Variants in RHOBTB1 observed in about 807,000 individuals in gnomAD.
The protein encoded by RHOBTB1 is Rho related BTB domain containing 1.
A neutral mutation model predicts 71.6 loss-of-function variants in RHOBTB1; 40 were observed. The observed-to-expected ratio is 0.56, with a 90% CI of 0.43 to 0.73. The LOEUF is 0.73. RHOBTB1 is among the 30% of genes least tolerant of loss of function. RHOBTB1 has a pLI of 0.00. For missense variants in RHOBTB1, 797 were observed against 894.0 expected (o/e 0.89, Z 1.38); for synonymous variants, 319 against 334.9 (o/e 0.95, Z 0.52).
intron 2 of RHOBTB1, among the ~76,000 whole-genome samples, chr10:60,936,323 G>A (rs1269210232): frequency 1.3e-5 from 2 of 152,104 alleles, no homozygotes; most frequent in East Asian, 3.8e-4. Flanking sequence ...AGACCCAACT[G>A]GCTATATTGA....
At chr10:60,900,647 C>A (rs998443819) in intron 4 of RHOBTB1, among the ~76,000 whole-genome samples, 1 of 152,038 alleles carries the variant, frequency 6.6e-6, no homozygotes, top group African/African-American at 2.4e-5. Flanking sequence ...AATTAAAAGG[C>A]CTTATGGATA....
chr10:60,924,440 T>C (rs2083748251), intron 2 of RHOBTB1, among the ~76,000 whole-genome samples: 1 of 151,630 alleles, frequency 6.6e-6, no homozygotes, highest in African/African-American at 2.4e-5. Flanking sequence ...GACAAAGGGG[T>C]CAATTAAGCA....
chr10:60,896,763 C>G (rs1482569860), intron 4 of RHOBTB1, among the ~76,000 whole-genome samples: 1 of 152,104 alleles, frequency 6.6e-6, no homozygotes. Flanking sequence ...TCGCTGGGTA[C>G]TAAGACATCA....
At chr10:60,986,189 G>A (rs1241050953) in intron 1 of RHOBTB1, among the ~76,000 whole-genome samples, 1 of 151,878 alleles carries the variant, frequency 6.6e-6, no homozygotes, top group Non-Finnish European at 1.5e-5. Flanking sequence ...CCATCTGAGT[G>A]AACTTTAAGT....
At chr10:60,883,727 A>G (rs2081435623) in intron 7 of RHOBTB1, among the ~76,000 whole-genome samples, 1 of 152,240 alleles carries the variant, frequency 6.6e-6, no homozygotes, top group Admixed American at 6.5e-5. Flanking sequence ...GAATAAGTCC[A>G]GCGGCAGCTA....
At chr10:60,928,335 A>G (rs1267285957) in intron 2 of RHOBTB1, among the ~76,000 whole-genome samples, 2 of 152,118 alleles carry the variant, frequency 1.3e-5, no homozygotes, top group Non-Finnish European at 2.9e-5. Context: ...CAAAACAAAA[A>G]AAAAAAGAAA....
rs187708949 is a variant in RHOBTB1 at position 60,968,335 on chromosome 10, A to G, written c.-62+17510T>C. Among the ~76,000 whole-genome samples the G allele has an allele frequency of 8.9e-4, 136 of 152,252 alleles. 1 individual carries two copies. The highest frequency in any genetic ancestry group is 2.6e-3 in the African/African-American group (110 of 41,556). On this transcript the variant is annotated intron_variant, in intron 2 of 11. Transcript: ENST00000357917. ...TTCCTTTGTTCAATTCAAAATTCAAATGTAGTGTGTAAATGAATTTTGTTT... is the reference window on the plus strand; with the variant it reads ...TTCCTTTGTTCAATTCAAAATTCAAGTGTAGTGTGTAAATGAATTTTGTTT...
At position 60,897,942 on chromosome 10, in the gene RHOBTB1, G is replaced by C. The variant is rs533384596; in HGVS notation, c.297-4947C>G. ...GCTGGTCTTGAACTCCTGACCTTGT[G>C]ATCTTCCCACCTCGGCTTTGCAAAG... On this transcript the variant is annotated intron_variant, in intron 4 of 10. Transcript: ENST00000337910. Among the ~76,000 whole-genome samples, 243 of 152,196 alleles carry C rather than the reference G, an allele frequency of 1.6e-3. 1 individual carries two copies. Among genetic ancestry groups the C allele is most frequent in the African/African-American group, 5.5e-3 (227 of 41,528 alleles).
rs77406882 is a variant in RHOBTB1, at chr10:60,920,927, G to A, written c.-10-9375C>T. Among the ~76,000 whole-genome samples, 1,248 of 151,128 alleles carry A rather than the reference G, an allele frequency of 8.3e-3. 52 individuals carry two copies. In the East Asian group the frequency reaches 0.1, roughly 12 times the overall value. On this transcript the variant is annotated intron_variant, in intron 2 of 10. Transcript: ENST00000337910. ...CCACCTTGGCCTCCCAAAATGCTGG[G>A]ATTACAGGACTGATTTGTTTTTTTT... is the stretch of plus-strand genomic sequence containing the variant.
At chr10:60,927,605 C>A (rs1212464078) in intron 2 of RHOBTB1, among the ~76,000 whole-genome samples, 1 of 152,172 alleles carries the variant, frequency 6.6e-6, no homozygotes, top group East Asian at 1.9e-4. Context: ...TGAGAACATA[C>A]ACTGGGGAAA....
rs1310015985 is a variant in RHOBTB1 at position 60,888,884 on chromosome 10, T to C, written c.784A>G (p.Asn262Asp). The change falls in exon 6 of 11, where the codon AAT becomes GAT. Residue 262 changes from asparagine (N) to aspartate (D), a missense_variant. Asn to Asp is a conservative substitution (Grantham distance 23). This residue lies in a region of RHOBTB1 where 658 missense variants were observed against 681.5 expected (regional missense o/e 0.97). Coordinates refer to ENST00000337910, the MANE Select transcript of RHOBTB1 (RefSeq NM_014836.5). ...GTNEAACLLDNPLCADVLFIL... is the reference protein window; with the variant it reads ...GTNEAACLLDDPLCADVLFIL... ...AACAGAACATCGGCACATAGAGGAT[T>C]GTCCAGTAAACAGGCAGCTTCATTT... The C allele has an allele frequency of 1.5e-5, 25 of 1,614,092 alleles. No homozygotes were observed. The highest frequency in any genetic ancestry group is 2.0e-5 in the Non-Finnish European group (24 of 1,180,034).
chr10:60,958,852 A>G (rs2085684060), intron 2 of RHOBTB1, among the ~76,000 whole-genome samples: 1 of 152,040 alleles, frequency 6.6e-6, no homozygotes. Flanking sequence ...CCTCCTGCCT[A>G]GGACTCCCAA....
At chr10:60,863,407 A>AT in the RHOBTB1 span, among the ~76,000 whole-genome samples, 1 of 151,656 alleles carries the variant, frequency 6.6e-6, no homozygotes, top group Non-Finnish European at 1.5e-5. Flanking sequence ...ATCCGTATTT[A>AT]TTTTTTGTCT....
chr10:60,911,119 A>G (rs1259073873), intron 3 of RHOBTB1, 129 bp from the exon 4 acceptor site: 12 of 791,334 alleles, frequency 1.5e-5, no homozygotes, highest in Non-Finnish European at 2.5e-5. Context: ...ATCTGACGGG[A>G]TTTAAGCTAA....
intron 5 of RHOBTB1, among the ~76,000 whole-genome samples, chr10:60,891,989 C>T (rs1234087337): frequency 2.0e-5 from 3 of 152,166 alleles, no homozygotes; most frequent in Admixed American, 1.3e-4. Flanking sequence ...GGTTCTCATT[C>T]TTCTCTCTCC....
rs2085908963 is a variant in RHOBTB1 at position 60,965,005 on chromosome 10, C to T, written c.-62+20840G>A. ...AAGTCTCTGGAAATAAACCCTCTGC[C>T]TTTGGGAGAGAATTTCACAACTTTA... On this transcript the variant is annotated intron_variant, in intron 2 of 11. Transcript: ENST00000357917. Among the ~76,000 whole-genome samples the T allele has an allele frequency of 2.0e-5, 3 of 152,092 alleles. No homozygotes were observed. In the South Asian group the frequency reaches 6.2e-4, roughly 32 times the overall value.
downstream of RHOBTB1, among the ~76,000 whole-genome samples, chr10:60,865,559 G>A (rs1325838302): frequency 6.6e-6 from 1 of 152,188 alleles, no homozygotes; most frequent in Non-Finnish European, 1.5e-5. Flanking sequence ...AAGGCCAGAT[G>A]GGATGGAATA....
chr10:61,001,682 G>A (rs983788372), upstream of RHOBTB1, among the ~76,000 whole-genome samples: 2 of 152,066 alleles, frequency 1.3e-5, no homozygotes, highest in Non-Finnish European at 1.5e-5. Context: ...CCAACGCCTA[G>A]GCGGTCCCGG....
intron 4 of RHOBTB1, among the ~76,000 whole-genome samples, chr10:60,901,743 G>T (rs1157211084): frequency 6.6e-6 from 1 of 152,164 alleles, no homozygotes; most frequent in African/African-American, 2.4e-5. Context: ...TGACCAACTT[G>T]TCAAGCTTCC....
Sources: gnomAD v4.1 joint callset for allele counts (sites outside exome capture counted in the v4.1 genomes callset) on GRCh38, gnomAD v4.1.1 for gene constraint, gnomAD v4.1.1 regional missense constraint, MANE v1.5 for transcripts, NCBI Gene and HGNC (gene_info 2026-07-23, HGNC 2026-07-21) for gene names.